Variants in CACNA2D3 observed in about 807,000 individuals in gnomAD.
The protein encoded by CACNA2D3 is voltage-dependent calcium channel subunit alpha-2/delta-3.
CACNA2D3 carries 60 observed loss-of-function variants against 160.6 expected under a neutral mutation model. The ratio of observed to expected loss-of-function variants is 0.37; its 90% CI spans 0.30 to 0.46. The LOEUF (loss-of-function observed/expected upper bound fraction) is 0.46, where lower values mean the gene tolerates loss of function less well. CACNA2D3 is among the 20% of genes least tolerant of loss of function. The pLI is 1.00. For missense variants in CACNA2D3, 1,205 were observed against 1,365.0 expected (o/e 0.88, Z 1.85); for synonymous variants, 558 against 492.9 (o/e 1.13, Z -1.75).
At chr3:54,636,829 G>T (rs1159735394) in intron 10 of CACNA2D3, among the ~76,000 whole-genome samples, 2 of 152,044 alleles carry the variant, frequency 1.3e-5, no homozygotes, top group Admixed American at 1.3e-4. Context: ...GGGCTTGACT[G>T]AAGTAATGGG....
intron 35 of CACNA2D3, among the ~76,000 whole-genome samples, chr3:55,024,497 G>A (rs1360378806): frequency 6.6e-6 from 1 of 152,014 alleles, no homozygotes; most frequent in East Asian, 1.9e-4. Context: ...CCTTATGAAA[G>A]GTATTAGTGC....
chr3:54,597,989 A>G (rs113003433), intron 9 of CACNA2D3, among the ~76,000 whole-genome samples: 12,277 of 151,978 alleles, frequency 0.081, 590 homozygotes, highest in South Asian at 0.21. Flanking sequence ...CCATAGAGCG[A>G]GGATCAGTAC....
At chr3:54,557,516 A>G (rs1702259029) in intron 5 of CACNA2D3, among the ~76,000 whole-genome samples, 1 of 152,184 alleles carries the variant, frequency 6.6e-6, no homozygotes, top group Non-Finnish European at 1.5e-5. Context: ...TAATTGTCTA[A>G]CTGTAAACTG....
At chr3:54,352,660 G>A (rs1244715214) in intron 3 of CACNA2D3, among the ~76,000 whole-genome samples, 1 of 152,180 alleles carries the variant, frequency 6.6e-6, no homozygotes, top group Non-Finnish European at 1.5e-5. Flanking sequence ...CCCGCAGTTT[G>A]GGGTACTTCC....
intron 27 of CACNA2D3, among the ~76,000 whole-genome samples, chr3:54,929,668 A>C (rs555520757): frequency 6.6e-6 from 1 of 152,284 alleles, no homozygotes; most frequent in African/African-American, 2.4e-5. Context: ...AATGGGCAAA[A>C]GTCAGGTGTA....
At chr3:54,453,406 A>G (rs534369949) in intron 4 of CACNA2D3, among the ~76,000 whole-genome samples, 1 of 152,172 alleles carries the variant, frequency 6.6e-6, no homozygotes, top group African/African-American at 2.4e-5. Flanking sequence ...TAAGGTCACA[A>G]TCACAGGTAC....
At chr3:54,242,108 G>T (rs760023877) in intron 2 of CACNA2D3, among the ~76,000 whole-genome samples, 8 of 152,052 alleles carry the variant, frequency 5.3e-5, no homozygotes, top group African/African-American at 1.2e-4. Flanking sequence ...CACAATAAAA[G>T]ATTAAAAATA....
At chr3:54,222,290 A>C (rs1324548446) in intron 2 of CACNA2D3, among the ~76,000 whole-genome samples, 4 of 152,114 alleles carry the variant, frequency 2.6e-5, no homozygotes, top group Admixed American at 6.6e-5. Flanking sequence ...CTGGTGATCT[A>C]TTTCTTTCTG....
intron 4 of CACNA2D3, among the ~76,000 whole-genome samples, chr3:54,387,097 C>T (rs1036136401): frequency 6.6e-6 from 1 of 152,214 alleles, no homozygotes; most frequent in Non-Finnish European, 1.5e-5. Flanking sequence ...TAGCAGAATA[C>T]ATCCAAATCC....
At chr3:54,367,058 G>A (rs1302091522) in intron 3 of CACNA2D3, among the ~76,000 whole-genome samples, 1 of 152,192 alleles carries the variant, frequency 6.6e-6, no homozygotes, top group Non-Finnish European at 1.5e-5. Flanking sequence ...GTGATAAAGT[G>A]ATTATTGACT....
At chr3:55,012,476 A>T (rs1703230696) in intron 34 of CACNA2D3, among the ~76,000 whole-genome samples, 1 of 151,772 alleles carries the variant, frequency 6.6e-6, no homozygotes, top group Non-Finnish European at 1.5e-5. Context: ...CCTGGCCTTG[A>T]CCTGTTTCCC....
chr3:54,454,455 A>G (rs1438624987), intron 4 of CACNA2D3, among the ~76,000 whole-genome samples: 1 of 152,132 alleles, frequency 6.6e-6, no homozygotes, highest in African/African-American at 2.4e-5. Flanking sequence ...TGGTATTTCA[A>G]AAATTATCAT....
In CACNA2D3 at chr3:54,572,648, C is replaced by T. The variant is rs140754289; in HGVS notation, c.888+2544C>T. Among the ~76,000 whole-genome samples, 134 of 152,276 alleles carry T rather than the reference C, an allele frequency of 8.8e-4. 1 individual carries two copies. Among genetic ancestry groups the T allele is most frequent in the African/African-American group, 2.9e-3 (120 of 41,560 alleles). ...ATCATGAAATTATATGGCCTTGAGG[C>T]ATAGTTCTTTGGAAGAAGACTTTCA... On this transcript the variant is annotated intron_variant, in intron 8 of 37. Coordinates refer to ENST00000474759, the MANE Select transcript of CACNA2D3 (RefSeq NM_018398.3).
rs1050863606 is a variant in CACNA2D3 at position 54,134,750 on chromosome 3, C to G, written c.204+11156C>G. ...ACAAGCCGGTCCTCAGTTCTCCTAG[C>G]TGGCCTTCCCCCTCCTTGCCTCTGG... is the stretch of plus-strand genomic sequence containing the variant. On this transcript the variant is annotated intron_variant, in intron 2 of 37. Coordinates refer to ENST00000474759, the MANE Select transcript of CACNA2D3 (RefSeq NM_018398.3). 5.9e-5 allele frequency among the ~76,000 whole-genome samples: 9 copies of G among 152,356 alleles called. 1 individual carries two copies. The East Asian group carries it at 1.7e-3, about 29-fold the overall frequency.
intron 13 of CACNA2D3, among the ~76,000 whole-genome samples, chr3:54,816,096 G>A (rs1703444158): frequency 6.6e-6 from 1 of 151,988 alleles, no homozygotes; most frequent in East Asian, 1.9e-4. Context: ...TGTGCCATTG[G>A]GAAAGCTGTT....
At chr3:54,363,640 T>G (rs1436121189) in intron 3 of CACNA2D3, among the ~76,000 whole-genome samples, 1 of 152,208 alleles carries the variant, frequency 6.6e-6, no homozygotes, top group South Asian at 2.1e-4. Context: ...TGTCATTGTT[T>G]ATTGAGTTTA....
chr3:54,553,671 A>AT (rs1299770601), intron 5 of CACNA2D3, among the ~76,000 whole-genome samples: 6 of 152,160 alleles, frequency 3.9e-5, no homozygotes, highest in African/African-American at 7.2e-5. Flanking sequence ...AAGCTGACCC[A>AT]TTTTTTGTGG....
chr3:55,053,282 T>C (rs1704274187), intron 35 of CACNA2D3, among the ~76,000 whole-genome samples: 1 of 152,056 alleles, frequency 6.6e-6, no homozygotes, highest in African/African-American at 2.4e-5. Context: ...TCCAGCTCCT[T>C]ACATACCATT....
intron 3 of CACNA2D3, among the ~76,000 whole-genome samples, chr3:54,336,523 C>A (rs1435605890): frequency 6.6e-6 from 1 of 152,140 alleles, no homozygotes; most frequent in Non-Finnish European, 1.5e-5. Flanking sequence ...GCCCAAGGGT[C>A]ACACGCTCAT....
Sources: gnomAD v4.1 joint callset for allele counts (sites outside exome capture counted in the v4.1 genomes callset) on GRCh38, gnomAD v4.1.1 for gene constraint, MANE v1.5 for transcripts, NCBI Gene and HGNC (gene_info 2026-07-23, HGNC 2026-07-21) for gene names.